ADCY8: variants seen among roughly 807,000 people sequenced by gnomAD.
The protein encoded by ADCY8 is adenylate cyclase 8, also known as adenylate cyclase type 8.
ADCY8 carries 51 observed loss-of-function variants against 119.7 expected under a neutral mutation model. The ratio of observed to expected loss-of-function variants is 0.43; its 90% CI spans 0.34 to 0.54. ADCY8 has a LOEUF of 0.54. Ranked by LOEUF, ADCY8 falls within the 20% of genes least tolerant of loss-of-function variation. The pLI, the probability that ADCY8 is intolerant of heterozygous loss-of-function variation, is 0.03. For missense variants in ADCY8, 1,383 were observed against 1,598.8 expected (o/e 0.87, Z 2.30); for synonymous variants, 665 against 651.0 (o/e 1.02, Z -0.33).
intron 14 of ADCY8, among the ~76,000 whole-genome samples, chr8:130,805,661 C>T (rs945051293): frequency 3.9e-5 from 6 of 152,206 alleles, no homozygotes; most frequent in African/African-American, 1.4e-4. Flanking sequence ...CACAGACTCT[C>T]AGATAAGGAT....
intron 3 of ADCY8, 92 bp from the exon 4 acceptor site, chr8:130,943,554 T>C: frequency 1.3e-6 from 1 of 750,520 alleles, no homozygotes; most frequent in South Asian, 1.7e-5. Context: ...TCCCAGCAGA[T>C]AAACTGTCTT....
Position 130,885,665 on chromosome 8 carries a change from A to AC in ADCY8, c.1912-905_1912-904insG, listed in dbSNP as rs1445063805. Among the ~76,000 whole-genome samples the AC allele has an allele frequency of 2.0e-5, 3 of 150,662 alleles. No homozygotes were observed. The East Asian group carries it at 5.9e-4, about 30-fold the overall frequency. ...AGGCAGCTTCTTAGACCAAAAAACA[A>AC]AAAAAAAAGTGTGAGTTGGACCTGA... On this transcript the variant is annotated intron_variant, in intron 7 of 17. Transcript: ENST00000286355.
chr8:130,966,884 G>C (rs1364255954), intron 2 of ADCY8, among the ~76,000 whole-genome samples: 2 of 152,130 alleles, frequency 1.3e-5, no homozygotes, highest in African/African-American at 4.8e-5. Flanking sequence ...CCAAATGTTT[G>C]TTAAATTTAC....
intron 1 of ADCY8, among the ~76,000 whole-genome samples, chr8:131,012,927 C>T (rs1051943450): frequency 6.6e-6 from 1 of 152,204 alleles, no homozygotes; most frequent in African/African-American, 2.4e-5. Context: ...TTCTCAGAGT[C>T]TGCTTCTCAG....
chr8:130,948,645 T>TAAAAA (rs34700138), intron 3 of ADCY8, among the ~76,000 whole-genome samples: 2 of 91,178 alleles, frequency 2.2e-5, no homozygotes, highest in Non-Finnish European at 2.7e-5. Context: ...TCTTCAAAAT[T>TAAAAA]AAAAAAAAAA....
chr8:130,815,386 TTAAA>T (rs2130175884), intron 13 of ADCY8, among the ~76,000 whole-genome samples: 1 of 152,360 alleles, frequency 6.6e-6, no homozygotes, highest in East Asian at 1.9e-4. Flanking sequence ...TGATGGCTCA[TTAAA>T]TAAGTTATCA....
intron 2 of ADCY8, among the ~76,000 whole-genome samples, chr8:130,958,559 A>G (rs151283922): frequency 1.2e-3 from 178 of 152,332 alleles, no homozygotes; most frequent in African/African-American, 4.2e-3. Flanking sequence ...CAATCACGGC[A>G]GAAGACAAAG....
intron 15 of ADCY8, among the ~76,000 whole-genome samples, chr8:130,798,804 T>G (rs1474769701): frequency 6.6e-6 from 1 of 152,126 alleles, no homozygotes; most frequent in Non-Finnish European, 1.5e-5. Context: ...CACGCCCATG[T>G]TCATCTCAGC....
intron 4 of ADCY8, among the ~76,000 whole-genome samples, chr8:130,940,889 A>G (rs1364900102): frequency 1.3e-5 from 2 of 152,206 alleles, no homozygotes; most frequent in Non-Finnish European, 2.9e-5. Flanking sequence ...AAATTAGGAG[A>G]TGAATGCACC....
intron 5 of ADCY8, among the ~76,000 whole-genome samples, chr8:130,931,853 AT>A (rs373367544): frequency 1.3e-4 from 20 of 150,832 alleles, no homozygotes; most frequent in Admixed American, 2.0e-4. Flanking sequence ...CATTTTATTA[AT>A]TTTTTTTTGC....
At chr8:130,831,955 C>A (rs1285784738) in intron 12 of ADCY8, among the ~76,000 whole-genome samples, 1 of 152,142 alleles carries the variant, frequency 6.6e-6, no homozygotes, top group Non-Finnish European at 1.5e-5. Context: ...ACACTTGTTT[C>A]CTTTTATATT....
Position 130,780,322 on chromosome 8 carries a change from C to A in ADCY8, c.*68G>T, listed in dbSNP as rs1586402557. On this transcript the variant is annotated 3_prime_UTR_variant, in exon 18 of 18. Coordinates refer to ENST00000286355, the MANE Select transcript of ADCY8 (RefSeq NM_001115.3). ...ATCCTTGTTCTAAAAAAAATTAAACCTTTTTATTAGTATATTTATTTTATA... is the reference window on the plus strand; with the variant it reads ...ATCCTTGTTCTAAAAAAAATTAAACATTTTTATTAGTATATTTATTTTATA... 4 of 1,156,812 alleles carry A rather than the reference C, an allele frequency of 3.5e-6. No individual in the cohort carries two copies. The highest frequency in any genetic ancestry group is 3.2e-5 in the East Asian group (1 of 30,946). 71.7% of individuals were successfully genotyped at this position (1,156,812 alleles called of 1,614,324 possible).
chr8:130,833,680 T>A (rs1049665655), intron 12 of ADCY8, among the ~76,000 whole-genome samples: 1 of 152,144 alleles, frequency 6.6e-6, no homozygotes, highest in Non-Finnish European at 1.5e-5. Flanking sequence ...TACTAGTCTG[T>A]GGTATTTTGG....
At chr8:130,846,778 CTCCT>C (rs147961219) in intron 11 of ADCY8, among the ~76,000 whole-genome samples, 2 of 80,426 alleles carry the variant, frequency 2.5e-5, no homozygotes, top group African/African-American at 5.8e-5. Flanking sequence ...TTCCTTCCTT[CTCCT>C]TCCTTCCTTC....
chr8:130,974,652 A>G (rs1822017870), intron 2 of ADCY8, among the ~76,000 whole-genome samples: 1 of 152,224 alleles, frequency 6.6e-6, no homozygotes, highest in African/African-American at 2.4e-5. Context: ...TTGAAAAAAT[A>G]AAAAGGCCAT....
chr8:130,804,838 C>T (rs1815892795), intron 14 of ADCY8, among the ~76,000 whole-genome samples: 1 of 152,186 alleles, frequency 6.6e-6, no homozygotes. Flanking sequence ...CCTCCACCTC[C>T]TGGGTTCAAG....
At chr8:130,786,078 G>A (rs1008320424) in intron 15 of ADCY8, among the ~76,000 whole-genome samples, 7 of 152,102 alleles carry the variant, frequency 4.6e-5, no homozygotes, top group South Asian at 2.1e-4. Flanking sequence ...AAAATTGAAC[G>A]CAGCATCCCA....
At chr8:130,909,539 T>G (rs1819908875) in intron 6 of ADCY8, among the ~76,000 whole-genome samples, 169 bp downstream of exon 6, 1 of 152,178 alleles carries the variant, frequency 6.6e-6, no homozygotes, top group Non-Finnish European at 1.5e-5. Flanking sequence ...CTCTGATGCA[T>G]TTTACTAGAT....
In ADCY8 at chr8:130,780,313, A is replaced by G; in HGVS notation, c.*77T>C. ...AACGAAACCATCCTTGTTCTAAAAA[A>G]AATTAAACCTTTTTATTAGTATATT... On this transcript the variant is annotated 3_prime_UTR_variant, in exon 18 of 18. Coordinates refer to ENST00000286355, the MANE Select transcript of ADCY8 (RefSeq NM_001115.3). 8.9e-7 allele frequency: 1 copy of G among 1,128,202 alleles called. No individual in the cohort carries two copies. Among genetic ancestry groups the G allele is most frequent in the Non-Finnish European group, 1.1e-6 (1 of 889,038 alleles). The allele number at this position is 1,128,202 out of a possible 1,614,324, so 69.9% of individuals were successfully genotyped here. A position where few individuals can be genotyped will look rare whatever the true frequency, so the allele number is the denominator to read the frequency against.
Sources: allele counts gnomAD v4.1 joint callset (sites outside exome capture counted in the v4.1 genomes callset), GRCh38; gene constraint gnomAD v4.1.1; transcripts MANE v1.5; gene names NCBI Gene and HGNC (gene_info 2026-07-23, HGNC 2026-07-21).